The following PBX3 variants were observed in gnomAD, a reference collection of about 807,000 sequenced individuals.
PBX3 encodes the protein pre-B-cell leukemia transcription factor 3.
Under a neutral mutation model 48.5 loss-of-function variants are expected in PBX3, and 14 were observed. The observed-to-expected ratio is 0.29, with a 90% CI of 0.19 to 0.45. The LOEUF is 0.45. Ranked by LOEUF, PBX3 falls within the 20% of genes least tolerant of loss-of-function variation. The pLI is 1.00. For missense variants in PBX3, 386 were observed against 546.7 expected (o/e 0.71, Z 2.93); for synonymous variants, 210 against 200.3 (o/e 1.05, Z -0.41).
At chr9:125,899,760 T>A (rs1248078042) in intron 2 of PBX3, among the ~76,000 whole-genome samples, 1 of 151,720 alleles carries the variant, frequency 6.6e-6, no homozygotes, top group Non-Finnish European at 1.5e-5. Context: ...ATTATTTGAA[T>A]TTTGGTACAT....
chr9:125,896,756 A>G (rs74885453), intron 2 of PBX3, among the ~76,000 whole-genome samples: 3,242 of 152,064 alleles, frequency 0.021, 176 homozygotes, highest in East Asian at 0.17. Context: ...ATCTGAACCC[A>G]TTGCTGTTGT....
At chr9:125,899,452 TATAGAGAGAGAGAG>T (rs1374606667) in intron 2 of PBX3, among the ~76,000 whole-genome samples, 10 of 89,068 alleles carry the variant, frequency 1.1e-4, no homozygotes, top group Admixed American at 4.9e-4. Context: ...TATATATATA[TATAGAGAGAGAGAG>T]AGAGAGAGAG....
chr9:125,799,256 G>A (rs1837869592), intron 2 of PBX3, among the ~76,000 whole-genome samples: 1 of 152,186 alleles, frequency 6.6e-6, no homozygotes, highest in African/African-American at 2.4e-5. Flanking sequence ...GTTCAGGCTT[G>A]TAATCCTAGC....
intron 2 of PBX3, among the ~76,000 whole-genome samples, chr9:125,763,956 A>G (rs1564642620): frequency 6.6e-6 from 1 of 152,246 alleles, no homozygotes; most frequent in Non-Finnish European, 1.5e-5. Flanking sequence ...TTGTTTATGC[A>G]TAAAGAAATC....
intron 2 of PBX3, among the ~76,000 whole-genome samples, chr9:125,750,506 C>CA (rs1421900208): frequency 6.6e-6 from 1 of 152,112 alleles, no homozygotes; most frequent in Non-Finnish European, 1.5e-5. Context: ...AACCACATGT[C>CA]AAAGGTGAGT....
intron 2 of PBX3, among the ~76,000 whole-genome samples, chr9:125,825,551 T>C (rs1838784957): frequency 6.6e-6 from 1 of 152,132 alleles, no homozygotes; most frequent in South Asian, 2.1e-4. Context: ...TATTTCCTTC[T>C]GCATTCTGTT....
Position 125,767,842 on chromosome 9 carries a change from A to T in PBX3, c.274+19219A>T, listed in dbSNP as rs114765980. 4.0e-3 allele frequency among the ~76,000 whole-genome samples: 613 copies of T among 152,190 alleles called. 9 individuals are homozygous for T. Among genetic ancestry groups the T allele is most frequent in the African/African-American group, 0.014 (574 of 41,548 alleles). On this transcript the variant is annotated intron_variant, in intron 2 of 8. Transcript: ENST00000373489. ...CAGACCACCAGTCGTTTCTGAGTGT[A>T]GTGAATCTTTGAGTGTATTGAGGGG...
At chr9:125,959,093 C>T (rs1305226172) in intron 5 of PBX3, among the ~76,000 whole-genome samples, 1 of 152,184 alleles carries the variant, frequency 6.6e-6, no homozygotes, top group African/African-American at 2.4e-5. Flanking sequence ...ATAACCACTC[C>T]CATCTACCAC....
chr9:125,937,123 C>T (rs920828748), intron 5 of PBX3, among the ~76,000 whole-genome samples: 1 of 152,148 alleles, frequency 6.6e-6, no homozygotes, highest in Non-Finnish European at 1.5e-5. Flanking sequence ...TTTTAAAAAA[C>T]AATTCTATAG....
chr9:125,753,124 G>A (rs948747190), intron 2 of PBX3, among the ~76,000 whole-genome samples: 1 of 152,038 alleles, frequency 6.6e-6, no homozygotes, highest in Non-Finnish European at 1.5e-5. Flanking sequence ...AATTTTAATG[G>A]TTCTTTAATG....
chr9:125,805,406 G>T (rs879272831), intron 2 of PBX3, among the ~76,000 whole-genome samples: 2 of 152,198 alleles, frequency 1.3e-5, no homozygotes, highest in Non-Finnish European at 2.9e-5. Flanking sequence ...GCAGTGGGAA[G>T]CGTGTGAAGG....
At chr9:125,880,169 T>C (rs2132347899) in intron 2 of PBX3, among the ~76,000 whole-genome samples, 1 of 152,230 alleles carries the variant, frequency 6.6e-6, no homozygotes, top group African/African-American at 2.4e-5. Context: ...CTCAGCCTCT[T>C]GAGTAGCTGG....
chr9:125,829,193 A>G (rs1171581720), intron 2 of PBX3, among the ~76,000 whole-genome samples: 1 of 152,188 alleles, frequency 6.6e-6, no homozygotes, highest in Non-Finnish European at 1.5e-5. Flanking sequence ...TTCACTTTGG[A>G]ATTTCTGTAT....
intron 2 of PBX3, among the ~76,000 whole-genome samples, chr9:125,788,221 A>C (rs182826247): frequency 6.6e-6 from 1 of 152,300 alleles, no homozygotes; most frequent in African/African-American, 2.4e-5. Flanking sequence ...GGAAAATGAA[A>C]CCCATATAAG....
intron 5 of PBX3, among the ~76,000 whole-genome samples, chr9:125,939,867 G>C (rs368318972): frequency 2.0e-5 from 3 of 152,140 alleles, no homozygotes; most frequent in African/African-American, 7.2e-5. Flanking sequence ...ATTGTCAGGG[G>C]AGACATATAT....
chr9:125,832,835 T>TG (rs2132198098), intron 2 of PBX3, among the ~76,000 whole-genome samples: 1 of 152,336 alleles, frequency 6.6e-6, no homozygotes, highest in South Asian at 2.1e-4. Flanking sequence ...TCACAGGTCT[T>TG]GCTGCTGTTG....
rs78460374 is a variant in PBX3 at position 125,751,384 on chromosome 9, G to T, written c.274+2761G>T. On this transcript the variant is annotated intron_variant, in intron 2 of 8. Transcript: ENST00000373489. ...GGTTTCTGATCAGGCAGTGAACACTGCCAGTTCTTATGCACATGGGGGATT... is the reference window on the plus strand; with the variant it reads ...GGTTTCTGATCAGGCAGTGAACACTTCCAGTTCTTATGCACATGGGGGATT... Among the ~76,000 whole-genome samples the T allele has an allele frequency of 8.2e-3, 1,246 of 152,282 alleles. 14 individuals carry two copies. Among genetic ancestry groups the T allele is most frequent in the African/African-American group, 0.028 (1,181 of 41,538 alleles).
At chr9:125,811,804 AT>A (rs1237386249) in intron 2 of PBX3, among the ~76,000 whole-genome samples, 1 of 152,046 alleles carries the variant, frequency 6.6e-6, no homozygotes, top group East Asian at 1.9e-4. Context: ...TTTTTTAGAC[AT>A]TTAGATGAAT....
chr9:125,771,923 G>A (rs551201422), intron 2 of PBX3, among the ~76,000 whole-genome samples: 1 of 152,220 alleles, frequency 6.6e-6, no homozygotes, highest in African/African-American at 2.4e-5. Context: ...TCATTTTAGC[G>A]TGCTGGGTAA....
Sources: allele counts gnomAD v4.1 joint callset (sites outside exome capture counted in the v4.1 genomes callset), GRCh38; gene constraint gnomAD v4.1.1; transcripts MANE v1.5; gene names NCBI Gene and HGNC (gene_info 2026-07-23, HGNC 2026-07-21).